SLC30A7: variants seen among roughly 807,000 people sequenced by gnomAD.
SLC30A7 encodes the protein solute carrier family 30 member 7, also known as zinc transporter 7.
In SLC30A7, 35 loss-of-function variants were observed where a neutral mutation model predicts 46.0. That is an observed-to-expected ratio of 0.76 (90% CI 0.58 to 1.01). The LOEUF is 1.01. Ranked by LOEUF, SLC30A7 falls within the 50% of genes least tolerant of loss-of-function variation. The pLI is 0.00. For synonymous variants in SLC30A7, 147 were observed against 157.8 expected, an observed-to-expected ratio of 0.93 and a Z score of 0.51; for missense variants, 464 against 451.1, an observed-to-expected ratio of 1.03 and a Z score of -0.26.
intron 8 of SLC30A7, among the ~76,000 whole-genome samples, chr1:100,939,775 G>C (rs577185573): frequency 3.3e-5 from 5 of 151,830 alleles, no homozygotes; most frequent in Non-Finnish European, 4.4e-5. Context: ...CATGAACCCA[G>C]GAGGTGGAGC....
chr1:100,964,355 C>CATATGT (rs1239712200), intron 9 of SLC30A7, among the ~76,000 whole-genome samples: 1 of 99,680 alleles, frequency 1.0e-5, no homozygotes, highest in African/African-American at 4.6e-5. Context: ...TATACATATA[C>CATATGT]ATATGTATAT....
chr1:100,954,515 C>T (rs554960609), intron 8 of SLC30A7, among the ~76,000 whole-genome samples: 1 of 152,000 alleles, frequency 6.6e-6, no homozygotes, highest in African/African-American at 2.4e-5. Context: ...GTCCAAAGAC[C>T]AGATGCATTA....
rs574224940 is a variant in SLC30A7, at chr1:100,924,667, CA to C, written c.842+2838del. ...AAGTCAGCACCTAAATCTCCCTGGC[CA>C]AAAAAAAAAAAGAAAAAAAAAATTG... On this transcript the variant is annotated intron_variant, in intron 8 of 10. Transcript: ENST00000357650. Among the ~76,000 whole-genome samples, 651 of 79,296 alleles carry C rather than the reference CA, an allele frequency of 8.2e-3. 6 individuals carry two copies. The highest frequency in any genetic ancestry group is 0.027 in the African/African-American group (561 of 21,028). 52.0% of individuals were successfully genotyped at this position (79,296 alleles called of 152,430 possible). A position where few individuals can be genotyped will look rare whatever the true frequency, so the allele number is the denominator to read the frequency against.
At chr1:100,941,828 G>A (rs1339380172) in intron 8 of SLC30A7, 2 of 527,422 alleles carry the variant, frequency 3.8e-6, no homozygotes, top group African/African-American at 1.9e-5. Context: ...CAAGGCCCCT[G>A]GAGTGCCTGG....
chr1:100,910,960 T>A (rs1308417802), intron 3 of SLC30A7, 103 bp from the exon 4 acceptor site: 2 of 870,988 alleles, frequency 2.3e-6, no homozygotes, highest in Admixed American at 4.2e-5. Flanking sequence ...TGGCCACTTA[T>A]AACCATGTAA....
intron 8 of SLC30A7, among the ~76,000 whole-genome samples, chr1:100,945,326 A>G (rs1654566080): frequency 6.6e-6 from 1 of 152,078 alleles, no homozygotes; most frequent in South Asian, 2.1e-4. Context: ...TTTTGTTGCC[A>G]TTGCTTTTGG....
At chr1:100,928,066 C>G (rs1027294421) in intron 8 of SLC30A7, among the ~76,000 whole-genome samples, 1 of 152,006 alleles carries the variant, frequency 6.6e-6, no homozygotes, top group Non-Finnish European at 1.5e-5. Context: ...TAATTTAAAT[C>G]AAGAATAATG....
At chr1:100,971,678 A>AC (rs1242463350) in intron 10 of SLC30A7, among the ~76,000 whole-genome samples, 1 of 152,140 alleles carries the variant, frequency 6.6e-6, no homozygotes, top group Non-Finnish European at 1.5e-5. Flanking sequence ...AGACAAAAAA[A>AC]CCCACACTCA....
intron 8 of SLC30A7, among the ~76,000 whole-genome samples, chr1:100,961,152 G>A (rs1180481145): frequency 1.3e-5 from 2 of 150,962 alleles, no homozygotes; most frequent in Admixed American, 6.6e-5. Context: ...TAGTGGAGAC[G>A]GGGTTTCACC....
intron 8 of SLC30A7, among the ~76,000 whole-genome samples, chr1:100,923,403 A>G (rs947676126): frequency 7.9e-5 from 12 of 152,232 alleles, no homozygotes; most frequent in African/African-American, 2.9e-4. Flanking sequence ...GCCTAAAAAA[A>G]TAGGATATAC....
chr1:100,986,291 C>G (rs761876868), downstream of SLC30A7, among the ~76,000 whole-genome samples: 1 of 152,082 alleles, frequency 6.6e-6, no homozygotes, highest in East Asian at 1.9e-4. Flanking sequence ...TGCCTGTAAT[C>G]CCAGCTACTC....
chr1:100,944,460 GA>G (rs963225131), intron 8 of SLC30A7, among the ~76,000 whole-genome samples: 22 of 150,508 alleles, frequency 1.5e-4, no homozygotes, highest in Admixed American at 4.0e-4. Context: ...GCTGCAAAAA[GA>G]AAAAAAAATT....
At chr1:100,989,976 C>A in the SLC30A7 span, 1 of 165,434 alleles carries the variant, frequency 6.0e-6, no homozygotes, top group South Asian at 1.6e-4. Flanking sequence ...ACTAGATAAG[C>A]CAAAAGACCT....
chr1:100,983,386 AAAAACAAAAC>A (rs1189095443), downstream of SLC30A7, among the ~76,000 whole-genome samples: 1 of 145,952 alleles, frequency 6.9e-6, no homozygotes, highest in African/African-American at 2.5e-5. Flanking sequence ...AAAAAAAAAA[AAAAACAAAAC>A]AAAACAAAAC....
At chr1:100,960,262 C>T (rs1395364467) in intron 8 of SLC30A7, among the ~76,000 whole-genome samples, 1 of 152,134 alleles carries the variant, frequency 6.6e-6, no homozygotes, top group Non-Finnish European at 1.5e-5. Flanking sequence ...TCCTATTTGT[C>T]TTTGTTCCTA....
At chr1:100,926,947 G>A (rs1361074146) in intron 8 of SLC30A7, among the ~76,000 whole-genome samples, 2 of 152,210 alleles carry the variant, frequency 1.3e-5, no homozygotes, top group African/African-American at 4.8e-5. Flanking sequence ...AGACTAAATG[G>A]TGGAGGAGAG....
intron 5 of SLC30A7, 115 bp downstream of exon 5, chr1:100,912,353 A>AATAT: frequency 8.4e-7 from 1 of 1,184,934 alleles, no homozygotes; most frequent in Non-Finnish European, 1.2e-6. Context: ...AGACTATGTG[A>AATAT]ATATCTTCCT....
chr1:100,941,717 C>T, intron 8 of SLC30A7: 1 of 643,222 alleles, frequency 1.6e-6, no homozygotes, highest in South Asian at 1.4e-5. Flanking sequence ...ACAACTCTTC[C>T]ATCCACCTTG....
chr1:100,916,874 C>G (rs934261668), intron 6 of SLC30A7, among the ~76,000 whole-genome samples: 1 of 152,088 alleles, frequency 6.6e-6, no homozygotes, highest in Admixed American at 6.5e-5. Flanking sequence ...GTTTGTCGTT[C>G]TGTAACTCTT....
Sources: allele counts gnomAD v4.1 joint callset (sites outside exome capture counted in the v4.1 genomes callset), GRCh38; gene constraint gnomAD v4.1.1; transcripts MANE v1.5; gene names NCBI Gene and HGNC (gene_info 2026-07-23, HGNC 2026-07-21).